The following PRSS12 variants were observed in gnomAD, a reference collection of about 807,000 sequenced individuals.
PRSS12 encodes neurotrypsin.
A neutral mutation model predicts 104.4 loss-of-function variants in PRSS12; 85 were observed. The observed-to-expected ratio is 0.81, with a 90% confidence interval of 0.68 to 0.98. The LOEUF (loss-of-function observed/expected upper bound fraction) is 0.98. Among genes scored for constraint, PRSS12 ranks in the 50% least tolerant of loss-of-function variants. PRSS12 has a pLI of 0.00. For synonymous variants in PRSS12, 454 were observed against 425.2 expected, an observed-to-expected ratio of 1.07 and a Z score of -0.83; for missense variants, 1,141 against 1,139.2, an observed-to-expected ratio of 1.00 and a Z score of -0.02.
intron 10 of PRSS12, 96 bp from the exon 11 acceptor site, chr4:118,295,157 T>C (rs1005933414): frequency 7.5e-6 from 11 of 1,471,408 alleles, no homozygotes; most frequent in African/African-American, 2.8e-5. Context: ...CTTTAATGCC[T>C]TGCAGGTGGG....
At chr4:118,303,618 A>G (rs961219523) in intron 8 of PRSS12, 2 of 152,162 alleles carry the variant, frequency 1.3e-5, no homozygotes, top group Non-Finnish European at 2.9e-5. Flanking sequence ...AATTTCAATG[A>G]CACAACACTT....
intron 5 of PRSS12, among the ~76,000 whole-genome samples, chr4:118,316,837 A>AAAATATAC (rs35698159): frequency 1.0e-5 from 1 of 99,194 alleles, no homozygotes; most frequent in African/African-American, 3.5e-5. Flanking sequence ...AAAAAAAAAA[A>AAAATATAC]ATATATATAT....
chr4:118,291,628 A>G (rs187951501), intron 11 of PRSS12, among the ~76,000 whole-genome samples: 1 of 152,086 alleles, frequency 6.6e-6, no homozygotes, highest in African/African-American at 2.4e-5. Context: ...TCCTTTTCTC[A>G]TTGTGTGGCA....
intron 7 of PRSS12, among the ~76,000 whole-genome samples, chr4:118,309,288 T>C (rs1013873365): frequency 2.0e-5 from 3 of 152,180 alleles, no homozygotes; most frequent in African/African-American, 7.2e-5. Context: ...ACACCAATAA[T>C]TATGATTTTG....
At chr4:118,310,159 T>C (rs893861720) in intron 7 of PRSS12, among the ~76,000 whole-genome samples, 9 of 152,188 alleles carry the variant, frequency 5.9e-5, no homozygotes, top group Non-Finnish European at 1.0e-4. Flanking sequence ...TGGGAGTTCT[T>C]TGCAAGAACA....
Position 118,352,966 on chromosome 4 carries a change from G to T in PRSS12, c.-246C>A, listed in dbSNP as rs1724566006. On this transcript the variant is annotated 5_prime_UTR_variant, in exon 1 of 13. Transcript: ENST00000296498. ...TCTGGAGCTCAGCCGAGCCCCGGCC[G>T]GCGGAGAGGACCGGAAAAGAGAAGG... The T allele has an allele frequency of 9.7e-7, 1 of 1,031,124 alleles. No homozygotes were observed. The highest frequency in any genetic ancestry group is 1.3e-6 in the Non-Finnish European group (1 of 770,266). The allele number at this position is 1,031,124 out of a possible 1,614,324, so 63.9% of individuals were successfully genotyped here.
chr4:118,334,071 A>T (rs1428055605), intron 3 of PRSS12, among the ~76,000 whole-genome samples: 1 of 152,202 alleles, frequency 6.6e-6, no homozygotes, highest in Admixed American at 6.5e-5. Flanking sequence ...AGGGAAGTAT[A>T]CTAAAGATCT....
intron 1 of PRSS12, among the ~76,000 whole-genome samples, chr4:118,342,922 T>C (rs572556452): frequency 8.5e-5 from 13 of 152,302 alleles, no homozygotes; most frequent in African/African-American, 3.1e-4. Flanking sequence ...TAACAGAAAT[T>C]TGCTTGATGG....
chr4:118,313,177 T>C (rs759805265), intron 7 of PRSS12, 24 bp downstream of exon 7: 4 of 1,610,934 alleles, frequency 2.5e-6, no homozygotes, highest in Non-Finnish European at 3.4e-6. Flanking sequence ...TGATGGAAAC[T>C]TGAGAGCTGC....
intron 7 of PRSS12, 134 bp from the exon 8 acceptor site, chr4:118,308,711 A>G (rs1267376655): frequency 5.7e-6 from 7 of 1,236,922 alleles, no homozygotes; most frequent in Non-Finnish European, 8.1e-6. Flanking sequence ...TTTGAGAGAG[A>G]GGAGATATAT....
At position 118,318,376 on chromosome 4, in the gene PRSS12, A is replaced by C; in HGVS notation, c.1150+2T>G. 6.2e-7 allele frequency: 1 copy of C among 1,613,782 alleles called. No homozygotes were observed. Among genetic ancestry groups the C allele is most frequent in the Non-Finnish European group, 8.5e-7 (1 of 1,179,772 alleles). On this transcript the variant is annotated splice_donor_variant, in intron 5 of 12. Transcript: ENST00000296498. LOFTEE classifies it high-confidence loss of function. ...GGTACACTAATGGAGTGAAATCCTTACCTGTTAGAGGGGTACAGGACACTC... is the reference window on the plus strand; with the variant it reads ...GGTACACTAATGGAGTGAAATCCTTCCCTGTTAGAGGGGTACAGGACACTC...
chr4:118,321,587 A>G (rs893205611), intron 4 of PRSS12, among the ~76,000 whole-genome samples: 12 of 152,218 alleles, frequency 7.9e-5, no homozygotes, highest in African/African-American at 2.7e-4. Flanking sequence ...TAGGAGCTCA[A>G]TAAATGCTGG....
rs1331960248 is a variant in PRSS12 at position 118,352,975 on chromosome 4, G to C, written c.-255C>G. On this transcript the variant is annotated 5_prime_UTR_variant, in exon 1 of 13. Transcript: ENST00000296498. The stretch of plus-strand genomic sequence containing the variant: ...CAGCCGAGCCCCGGCCGGCGGAGAG[G>C]ACCGGAAAAGAGAAGGCGCGGACGC... The C allele has an allele frequency of 1.1e-6, 1 of 945,088 alleles. No homozygotes were observed. The allele number at this position is 945,088 out of a possible 1,614,324, so 58.5% of individuals were successfully genotyped here.
In PRSS12 at chr4:118,316,837, A is replaced by AAAATATAT. The variant is rs35698159; in HGVS notation, c.1151-515_1151-514insATATATTT. On this transcript the variant is annotated intron_variant, in intron 5 of 12. Coordinates refer to ENST00000296498, the MANE Select transcript of PRSS12 (RefSeq NM_003619.4). ...ACTCCGTCTCACGGAAAAAAAAAAA[A>AAAATATAT]ATATATATATATATATATATCTTTC... 6.2e-3 allele frequency among the ~76,000 whole-genome samples: 613 copies of AAAATATAT among 99,148 alleles called. 6 individuals are homozygous for AAAATATAT. The highest frequency in any genetic ancestry group is 0.02 in the African/African-American group (580 of 28,858). 65.0% of individuals were successfully genotyped at this position (99,148 alleles called of 152,430 possible).
At chr4:118,332,013 CTAATA>C (rs937980322) in intron 3 of PRSS12, 147 bp from the exon 4 acceptor site, 206 of 889,984 alleles carry the variant, frequency 2.3e-4, no homozygotes, top group Non-Finnish European at 3.0e-4. Context: ...GTATATATAT[CTAATA>C]TATTATGGTA....
chr4:118,316,327 T>A lies in PRSS12; in HGVS notation c.1151-4A>T. The A allele has an allele frequency of 1.9e-6, 3 of 1,613,928 alleles. No individual in the cohort carries two copies. Among genetic ancestry groups the A allele is most frequent in the Non-Finnish European group, 2.5e-6 (3 of 1,179,986 alleles). ...CCTGCAAGTCTGATGACCCCATCTG[T>A]GATAAAGAGGAGACACAGAGACTAA... On this transcript the variant is annotated splice_region_variant and splice_polypyrimidine_tract_variant and intron_variant, in intron 5 of 12. Coordinates refer to ENST00000296498, the MANE Select transcript of PRSS12 (RefSeq NM_003619.4).
chr4:118,286,145 A>G (rs34202571), intron 11 of PRSS12, among the ~76,000 whole-genome samples: 9,286 of 152,180 alleles, frequency 0.061, 385 homozygotes, highest in Non-Finnish European at 0.093. Flanking sequence ...TTTTCAACCC[A>G]TCCCTCATGC....
intron 6 of PRSS12, 41 bp from the exon 7 acceptor site, chr4:118,313,438 T>C: frequency 1.2e-6 from 2 of 1,603,650 alleles, no homozygotes; most frequent in Non-Finnish European, 1.7e-6. Context: ...AACTTCTGTC[T>C]CTTGGTTCAG....
At chr4:118,308,409 C>T in intron 8 of PRSS12, 27 bp downstream of exon 8, 7 of 1,613,548 alleles carry the variant, frequency 4.3e-6, no homozygotes, top group Non-Finnish European at 5.9e-6. Context: ...CATCAGTAAC[C>T]ATCCCAAATA....
Sources: gnomAD v4.1 joint callset for allele counts (sites outside exome capture counted in the v4.1 genomes callset) on GRCh38, gnomAD v4.1.1 for gene constraint, MANE v1.5 for transcripts, NCBI Gene and HGNC (gene_info 2026-07-23, HGNC 2026-07-21) for gene names.